The following SCP2 variants were observed in gnomAD, a reference collection of about 807,000 sequenced individuals.
The protein encoded by SCP2 is SCP-2/3-oxoacyl-CoA thiolase.
Under a neutral mutation model 71.4 loss-of-function variants are expected in SCP2, and 48 were observed. That is an observed-to-expected ratio of 0.67 (90% confidence interval 0.53 to 0.86). The LOEUF (loss-of-function observed/expected upper bound fraction) is 0.86. SCP2 is among the 40% of genes least tolerant of loss of function. SCP2 has a pLI of 0.00. For synonymous variants in SCP2, 220 were observed against 218.1 expected, an observed-to-expected ratio of 1.01 and a Z score of -0.08; for missense variants, 560 against 655.6, an observed-to-expected ratio of 0.85 and a Z score of 1.59.
In SCP2 at chr1:53,008,755, A is replaced by G. The variant is rs558907870; in HGVS notation, c.1082-6135A>G. Among the ~76,000 whole-genome samples, 267 of 152,344 alleles carry G rather than the reference A, an allele frequency of 1.8e-3. 1 individual carries two copies. Among genetic ancestry groups the G allele is most frequent in the African/African-American group, 6.2e-3 (259 of 41,578 alleles). The stretch of plus-strand genomic sequence containing the variant: ...TGCCCTCTCTCACCACTCCTATTCA[A>G]CATAGTGTTGGAAATTCTGGCCAAG... On this transcript the variant is annotated intron_variant, in intron 11 of 15. Transcript: ENST00000371514.
At chr1:53,047,739 T>A in intron 14 of SCP2, 119 bp from the exon 15 acceptor site, 1 of 730,830 alleles carries the variant, frequency 1.4e-6, no homozygotes. Flanking sequence ...AGTGCCCATT[T>A]CCCCACACTG....
intron 3 of SCP2, among the ~76,000 whole-genome samples, chr1:52,949,294 A>G (rs1309003495): frequency 6.6e-6 from 1 of 152,210 alleles, no homozygotes; most frequent in Non-Finnish European, 1.5e-5. Context: ...ATTTTGCTGA[A>G]GACTCCTGGA....
chr1:53,022,362 T>C (rs558761192), intron 12 of SCP2, among the ~76,000 whole-genome samples: 9 of 152,348 alleles, frequency 5.9e-5, no homozygotes, highest in African/African-American at 1.9e-4. Flanking sequence ...CATTACTTCT[T>C]GTTACCTATC....
chr1:52,994,991 A>G, intron 11 of SCP2: 1 of 507,852 alleles, frequency 2.0e-6, no homozygotes, highest in Non-Finnish European at 3.9e-6. Flanking sequence ...AAACCAGACA[A>G]CTTTGTTTTT....
At chr1:53,043,011 C>T (rs1195496803) in intron 14 of SCP2, among the ~76,000 whole-genome samples, 1 of 152,160 alleles carries the variant, frequency 6.6e-6, no homozygotes, top group Non-Finnish European at 1.5e-5. Context: ...ATTATTCCTT[C>T]ATTCCTTTAT....
rs1298567327 is a variant in SCP2, at chr1:52,950,773, A to T, written c.218A>T (p.Gln73Leu). The change falls in exon 4 of 16, where the codon CAG (glutamine) becomes CTG (leucine). Residue 73 changes from glutamine (Q) to leucine (L), a missense_variant. By Grantham distance (113) the Gln-to-Leu change is moderately radical (BLOSUM62 -2). This residue lies in a region of SCP2 where 513 missense variants were observed against 573.1 expected (regional missense o/e 0.90). Coordinates refer to ENST00000371514, the MANE Select transcript of SCP2 (RefSeq NM_002979.5). ...GYVFGDSTCGQRAIYHSLGMT... is the reference protein window; with the variant it reads ...GYVFGDSTCGLRAIYHSLGMT... ...TATTCAGGTGACTCTACCTGTGGGC[A>T]GAGGGCTATCTATCACAGTTTGGGA... The T allele has an allele frequency of 6.2e-7, 1 of 1,613,698 alleles. No homozygotes were observed. The highest frequency in any genetic ancestry group is 8.5e-7 in the Non-Finnish European group (1 of 1,179,750).
chr1:52,987,262 A>C (rs1440586604), intron 10 of SCP2, among the ~76,000 whole-genome samples: 2 of 152,016 alleles, frequency 1.3e-5, no homozygotes, highest in Non-Finnish European at 2.9e-5. Context: ...TGTGGAACCC[A>C]TGGATGCTGA....
At chr1:52,941,320 T>C (rs1424049617) in intron 1 of SCP2, among the ~76,000 whole-genome samples, 2 of 152,216 alleles carry the variant, frequency 1.3e-5, no homozygotes, top group African/African-American at 4.8e-5. Flanking sequence ...ACTGTCTGTC[T>C]TAGGTTAGAC....
intron 10 of SCP2, among the ~76,000 whole-genome samples, chr1:52,982,434 G>A (rs1572135728): frequency 6.6e-6 from 1 of 152,184 alleles, no homozygotes; most frequent in East Asian, 1.9e-4. Flanking sequence ...GCCGGGCATG[G>A]TGTTGGGCAC....
chr1:52,992,916 T>G (rs1271099468), intron 11 of SCP2, among the ~76,000 whole-genome samples: 1 of 152,200 alleles, frequency 6.6e-6, no homozygotes, highest in Non-Finnish European at 1.5e-5. Flanking sequence ...TTCATCTCTA[T>G]TAAAATGTAA....
chr1:52,981,844 T>C (rs1479834670), intron 10 of SCP2, among the ~76,000 whole-genome samples: 3 of 151,646 alleles, frequency 2.0e-5, no homozygotes, highest in African/African-American at 7.3e-5. Context: ...GTGGGCATTA[T>C]ATTTCTGTTA....
intron 9 of SCP2, among the ~76,000 whole-genome samples, chr1:52,979,968 C>T (rs1572130630): frequency 1.5e-5 from 2 of 132,172 alleles, no homozygotes; most frequent in African/African-American, 2.8e-5. Context: ...TTTTCTTCTT[C>T]TCTTCTTTTT....
At chr1:53,028,188 T>C (rs1662271778) in intron 13 of SCP2, 117 bp downstream of exon 13, 6 of 665,212 alleles carry the variant, frequency 9.0e-6, no homozygotes, top group Non-Finnish European at 1.7e-5. Flanking sequence ...TTGTCAAGTA[T>C]TGAGTGTAGT....
chr1:52,943,499 G>A (rs1557547521), intron 2 of SCP2: 1 of 214,952 alleles, frequency 4.7e-6, no homozygotes, highest in Non-Finnish European at 9.4e-6. Flanking sequence ...TGGGATTACA[G>A]GCGTGAGCCA....
chr1:52,975,838 C>G (rs1282164236), intron 7 of SCP2, among the ~76,000 whole-genome samples: 1 of 152,096 alleles, frequency 6.6e-6, no homozygotes, highest in Admixed American at 6.6e-5. Flanking sequence ...GGAGTTAATG[C>G]AAACTCCATG....
intron 13 of SCP2, among the ~76,000 whole-genome samples, chr1:53,037,519 GA>G (rs1172599350): frequency 6.6e-6 from 1 of 151,466 alleles, no homozygotes; most frequent in East Asian, 1.9e-4. Flanking sequence ...GGAATGAAGG[GA>G]AAAAAAAGAG....
At chr1:52,945,970 C>G (rs2150118620) in intron 2 of SCP2, among the ~76,000 whole-genome samples, 1 of 151,454 alleles carries the variant, frequency 6.6e-6, no homozygotes, top group African/African-American at 2.4e-5. Flanking sequence ...CCTCTGTTGC[C>G]TAGGCTGGAA....
intron 6 of SCP2, among the ~76,000 whole-genome samples, chr1:52,969,789 C>G (rs981999403): frequency 2.0e-5 from 3 of 151,850 alleles, no homozygotes; most frequent in African/African-American, 7.3e-5. Flanking sequence ...CCTCTGCACT[C>G]CAGCCCGGGC....
Position 52,943,916 on chromosome 1 carries a change from G to A in SCP2, c.127+2063G>A. On this transcript the variant is annotated intron_variant, in intron 2 of 15. Transcript: ENST00000371514. ...ACCAGTGGTTCATTTCGGGCAGTCA[G>A]CTTTGTACTAGCCATGGTATAGAGA... The A allele has an allele frequency of 4.7e-6, 2 of 424,446 alleles. 1 individual carries two copies. Among genetic ancestry groups the A allele is most frequent in the South Asian group, 4.0e-5 (2 of 49,400 alleles). The allele number at this position is 424,446 out of a possible 1,614,324, so 26.3% of individuals were successfully genotyped here.
Sources: gnomAD v4.1 joint callset for allele counts (sites outside exome capture counted in the v4.1 genomes callset) on GRCh38, gnomAD v4.1.1 for gene constraint, gnomAD v4.1.1 regional missense constraint, MANE v1.5 for transcripts, NCBI Gene and HGNC (gene_info 2026-07-23, HGNC 2026-07-21) for gene names.